Variants in ANKRD36B observed in about 807,000 individuals in gnomAD.
The protein encoded by ANKRD36B is ankyrin repeat domain 36B, also known as ankyrin repeat domain-containing protein 36B.
Under a neutral mutation model 135.7 loss-of-function variants are expected in ANKRD36B, and 37 were observed. The ratio of observed to expected loss-of-function variants is 0.27; its 90% CI spans 0.21 to 0.36. The LOEUF is 0.36. Ranked by LOEUF, ANKRD36B falls within the 10% of genes least tolerant of loss-of-function variation. The probability of loss-of-function intolerance (pLI) is 1.00; values close to 1 mark genes in which losing one functional copy is unlikely to be tolerated. For missense variants in ANKRD36B, 549 were observed against 1,037.1 expected (o/e 0.53, Z 6.46); for synonymous variants, 179 against 348.1 (o/e 0.51, Z 5.41).
In ANKRD36B at chr2:97,585,039, C is replaced by T; in HGVS notation, c.355G>A (p.Gly119Arg). 1 of 1,611,574 alleles carries T rather than the reference C, an allele frequency of 6.2e-7. No individual in the cohort carries two copies. Among genetic ancestry groups the T allele is most frequent in the Non-Finnish European group, 8.5e-7 (1 of 1,179,794 alleles). ...GADPNITDVFGRTALHYAVYN... is the reference protein window; with the variant it reads ...GADPNITDVFRRTALHYAVYN... ...ACAGCGTAGTGCAGAGCAGTCCTTCCAAAGACATCCGTAATATTTGGATCG... is the reference window on the plus strand; with the variant it reads ...ACAGCGTAGTGCAGAGCAGTCCTTCTAAAGACATCCGTAATATTTGGATCG... Residue 119 changes from glycine (G) to arginine (R), a missense_variant, in exon 3 of 44, where the codon GGA becomes AGA. Coordinates refer to ENST00000359901, the MANE Select transcript of ANKRD36B (RefSeq NM_001393939.1).
Position 97,589,821 on chromosome 2 carries a change from G to C in ANKRD36B, c.-136C>G, listed in dbSNP as rs375849557. ...CAACAGGCAAAGCAGTCTGTGCACG[G>C]ACCTCCGCGCAGACTCTCAGCGCCT... On this transcript the variant is annotated 5_prime_UTR_variant, in exon 1 of 44. Coordinates refer to ENST00000359901, the MANE Select transcript of ANKRD36B (RefSeq NM_001393939.1). 7.8e-7 allele frequency: 1 copy of C among 1,287,928 alleles called. No individual in the cohort carries two copies. The highest frequency in any genetic ancestry group is 1.1e-6 in the Non-Finnish European group (1 of 922,558). The allele number at this position is 1,287,928 out of a possible 1,614,324, so 79.8% of individuals were successfully genotyped here. A position where few individuals can be genotyped will look rare whatever the true frequency, so the allele number is the denominator to read the frequency against.
At position 97,558,957 on chromosome 2, in the gene ANKRD36B, T is replaced by A; in HGVS notation, c.894+9A>T. The A allele has an allele frequency of 6.2e-7, 1 of 1,604,212 alleles. No homozygotes were observed. The highest frequency in any genetic ancestry group is 1.7e-5 in the Admixed American group (1 of 59,748). ...TAATAGTTCAACATATAAATGAGAC[T>A]TTAATTACCTTCTCAGCTGGTTGTT... On this transcript the variant is annotated intron_variant, in intron 9 of 43. Transcript: ENST00000359901.
rs1240767352 is a variant in ANKRD36B, at chr2:97,564,162, T to A, written c.764-3302A>T. Among the ~76,000 whole-genome samples, 5 of 151,778 alleles carry A rather than the reference T, an allele frequency of 3.3e-5. No individual in the cohort carries two copies. In the East Asian group the frequency reaches 9.7e-4, roughly 30 times the overall value. On this transcript the variant is annotated intron_variant, in intron 6 of 43. Coordinates refer to ENST00000359901, the MANE Select transcript of ANKRD36B (RefSeq NM_001393939.1). ...GCATTTGGGTGATTTCTTTTGCTTT[T>A]TTTAAAAAAAAATTTAATTCAAGTT... is the stretch of plus-strand genomic sequence containing the variant.
At chr2:97,525,027 AAG>A (rs2078118926) in intron 35 of ANKRD36B, 1 of 97,716 alleles carries the variant, frequency 1.0e-5, no homozygotes, top group African/African-American at 3.1e-5. Flanking sequence ...CAAGTGTAAA[AAG>A]AGAAAAATTT....
chr2:97,548,916 T>G (rs1225207248), intron 20 of ANKRD36B, among the ~76,000 whole-genome samples: 23 of 151,934 alleles, frequency 1.5e-4, no homozygotes, highest in Non-Finnish European at 7.4e-5. Flanking sequence ...ATTATATAAA[T>G]GACTTCCTCT....
At chr2:97,561,486 T>C (rs940475310) in intron 6 of ANKRD36B, among the ~76,000 whole-genome samples, 10 of 151,946 alleles carry the variant, frequency 6.6e-5, no homozygotes, top group Non-Finnish European at 1.2e-4. Context: ...TCTTCTAGTT[T>C]AGCCTTCCAA....
intron 16 of ANKRD36B, among the ~76,000 whole-genome samples, chr2:97,552,066 T>C (rs1006811152): frequency 1.8e-4 from 27 of 151,976 alleles, no homozygotes; most frequent in African/African-American, 5.3e-4. Context: ...CTCACACCCA[T>C]GTGGTGTAAT....
At chr2:97,497,009 T>C (rs1576748719) in intron 43 of ANKRD36B, among the ~76,000 whole-genome samples, 1 of 25,496 alleles carries the variant, frequency 3.9e-5, no homozygotes, top group South Asian at 4.2e-4. Context: ...TATTTAAGAA[T>C]ACATTTTGTA....
chr2:97,578,288 T>TGAGGGATCTCAAAC (rs1422901671), intron 5 of ANKRD36B, among the ~76,000 whole-genome samples: 1 of 152,020 alleles, frequency 6.6e-6, no homozygotes, highest in African/African-American at 2.4e-5. Flanking sequence ...ACATGAAGAT[T>TGAGGGATCTCAAAC]GAGGGATCTC....
Position 97,580,458 on chromosome 2 carries a change from G to C in ANKRD36B, c.557+4C>G. ...AACAACACAATAAGAACTAAGGTCTGTACCTGCCAAGATAATCAATGGCAT... is the reference window on the plus strand; with the variant it reads ...AACAACACAATAAGAACTAAGGTCTCTACCTGCCAAGATAATCAATGGCAT... On this transcript the variant is annotated splice_donor_region_variant and intron_variant, in intron 4 of 43. Coordinates refer to ENST00000359901, the MANE Select transcript of ANKRD36B (RefSeq NM_001393939.1). 6.5e-7 allele frequency: 1 copy of C among 1,543,064 alleles called. No homozygotes were observed. The highest frequency in any genetic ancestry group is 8.8e-7 in the Non-Finnish European group (1 of 1,141,458).
In ANKRD36B at chr2:97,570,206, C is replaced by T. The variant is rs190060888; in HGVS notation, c.763+6173G>A. Among the ~76,000 whole-genome samples, 1,098 of 152,212 alleles carry T rather than the reference C, an allele frequency of 7.2e-3. 7 individuals are homozygous for T. Among genetic ancestry groups the T allele is most frequent in the Non-Finnish European group, 0.011 (735 of 68,012 alleles). The stretch of plus-strand genomic sequence containing the variant: ...CTTAGTATTTCATATTAAGTTGCAA[C>T]TGACTCAAATGAAATAAGCACCATG... On this transcript the variant is annotated intron_variant, in intron 6 of 43. Coordinates refer to ENST00000359901, the MANE Select transcript of ANKRD36B (RefSeq NM_001393939.1).
chr2:97,564,545 A>T (rs1301854759), intron 6 of ANKRD36B, among the ~76,000 whole-genome samples: 1 of 152,152 alleles, frequency 6.6e-6, no homozygotes, highest in African/African-American at 2.4e-5. Flanking sequence ...ACCTTGAGTT[A>T]ATTTTTGTAT....
At chr2:97,547,809 T>C (rs2104599943) in intron 20 of ANKRD36B, 78 bp from the exon 21 acceptor site, 1 of 1,516,416 alleles carries the variant, frequency 6.6e-7, no homozygotes, top group East Asian at 2.5e-5. Context: ...AGTGTTAGCA[T>C]CAACCTCTGT....
chr2:97,562,918 ATC>A (rs1318197323), intron 6 of ANKRD36B, among the ~76,000 whole-genome samples: 4 of 151,922 alleles, frequency 2.6e-5, no homozygotes, highest in Admixed American at 2.6e-4. Flanking sequence ...AGTATCTATC[ATC>A]TCTTATTTTG....
intron 6 of ANKRD36B, among the ~76,000 whole-genome samples, chr2:97,570,676 A>G (rs1418376484): frequency 3.3e-5 from 5 of 152,208 alleles, no homozygotes; most frequent in Non-Finnish European, 7.3e-5. Flanking sequence ...GTAACTCCAC[A>G]GGAGAGGGCT....
intron 20 of ANKRD36B, 76 bp downstream of exon 20, chr2:97,549,343 C>T: frequency 6.8e-7 from 1 of 1,471,964 alleles, no homozygotes; most frequent in Non-Finnish European, 9.2e-7. Context: ...GACGAGCCCC[C>T]CGCTGATTTA....
intron 4 of ANKRD36B, 139 bp downstream of exon 4, chr2:97,580,323 G>C: frequency 1.4e-6 from 1 of 708,332 alleles, no homozygotes; most frequent in Admixed American, 3.3e-5. Context: ...GTGATGATCT[G>C]TGTTGATATT....
chr2:97,572,470 A>G lies in ANKRD36B; in HGVS notation c.763+3909T>C, dbSNP rs538901432. Among the ~76,000 whole-genome samples, 5 of 104,428 alleles carry G rather than the reference A, an allele frequency of 4.8e-5. No homozygotes were observed. The East Asian group carries it at 8.9e-4, about 18-fold the overall frequency. The allele number at this position is 104,428 out of a possible 152,430, so 68.5% of individuals were successfully genotyped here. On this transcript the variant is annotated intron_variant, in intron 6 of 43. Transcript: ENST00000359901. Reference sequence around the variant, plus strand: ...AAAATTTAAAATTTAAAAAAATTTAAAAGACACCTTAAGTGTCTTAACTTA... The same window carrying G: ...AAAATTTAAAATTTAAAAAAATTTAGAAGACACCTTAAGTGTCTTAACTTA...
intron 6 of ANKRD36B, among the ~76,000 whole-genome samples, chr2:97,571,432 G>A (rs2081858049): frequency 6.6e-6 from 1 of 152,126 alleles, no homozygotes; most frequent in Non-Finnish European, 1.5e-5. Context: ...CGGATCACAA[G>A]GTCAGGAGAT....
Sources: allele counts gnomAD v4.1 joint callset (sites outside exome capture counted in the v4.1 genomes callset), GRCh38; gene constraint gnomAD v4.1.1; transcripts MANE v1.5; gene names NCBI Gene and HGNC (gene_info 2026-07-23, HGNC 2026-07-21).